USH2A: variants seen among roughly 807,000 people sequenced by gnomAD.
USH2A encodes the protein Usher syndrome 2A (autosomal recessive, mild).
USH2A carries 443 observed loss-of-function variants against 538.9 expected under a neutral mutation model. The ratio of observed to expected loss-of-function variants is 0.82; its 90% CI spans 0.76 to 0.89. The LOEUF is 0.89. Ranked by LOEUF, USH2A falls within the 40% of genes least tolerant of loss-of-function variation. USH2A has a pLI of 0.00. For missense variants in USH2A, 6,633 were observed against 6,324.8 expected (o/e 1.05, Z -1.65); for synonymous variants, 2,413 against 2,273.5 (o/e 1.06, Z -1.75).
chr1:215,744,739 G>T (rs1393442685), intron 58 of USH2A, among the ~76,000 whole-genome samples: 1 of 152,214 alleles, frequency 6.6e-6, no homozygotes, highest in Non-Finnish European at 1.5e-5. Context: ...AGATGAAAAA[G>T]AGGTGTCTGA....
intron 21 of USH2A, among the ~76,000 whole-genome samples, chr1:216,118,814 T>C (rs1410719742): frequency 6.6e-6 from 1 of 152,188 alleles, no homozygotes; most frequent in Non-Finnish European, 1.5e-5. Flanking sequence ...CAGCCACCCA[T>C]TAAAGACCTC....
chr1:215,691,104 G>A (rs1199299363), intron 61 of USH2A, among the ~76,000 whole-genome samples: 4 of 152,050 alleles, frequency 2.6e-5, no homozygotes, highest in African/African-American at 4.8e-5. Flanking sequence ...GGCTGGTCTC[G>A]AACTCCTGAC....
rs144453182 is a variant in USH2A at position 215,879,720 on chromosome 1, T to C, written c.8224-622A>G. Among the ~76,000 whole-genome samples, 8 of 152,328 alleles carry C rather than the reference T, an allele frequency of 5.3e-5. No individual in the cohort carries two copies. In the East Asian group the frequency reaches 1.5e-3, roughly 29 times the overall value. ...AAGGGAAGCCAAAGATGTTTGTGCT[T>C]AGCTAACATGTGGACTTGAGCATCA... On this transcript the variant is annotated intron_variant, in intron 41 of 71. Coordinates refer to ENST00000307340, the MANE Select transcript of USH2A (RefSeq NM_206933.4).
intron 26 of USH2A, among the ~76,000 whole-genome samples, chr1:216,080,530 G>A (rs548834678): frequency 6.6e-6 from 1 of 152,114 alleles, no homozygotes; most frequent in African/African-American, 2.4e-5. Flanking sequence ...GGACTGAAGT[G>A]AGATGAAAAA....
At position 215,647,509 on chromosome 1, in the gene USH2A, C is replaced by G; in HGVS notation, c.14791+13G>C. 1 of 1,613,456 alleles carries G rather than the reference C, an allele frequency of 6.2e-7. No individual in the cohort carries two copies. Among genetic ancestry groups the G allele is most frequent in the Non-Finnish European group, 8.5e-7 (1 of 1,179,904 alleles). On this transcript the variant is annotated intron_variant, in intron 67 of 71. Transcript: ENST00000307340. ...AATCTCTCTGGCTTATGGTAGCAGC[C>G]ACTTATACTCACATTCTTTTTGGGT...
chr1:216,394,736 T>TTTTTTTTTTTTTG (rs61480291), intron 3 of USH2A, among the ~76,000 whole-genome samples: 1 of 146,312 alleles, frequency 6.8e-6, no homozygotes, highest in African/African-American at 2.5e-5. Flanking sequence ...TTTTTTTTTT[T>TTTTTTTTTTTTTG]GAGACAGAGT....
At chr1:216,132,173 T>C (rs927751867) in intron 21 of USH2A, among the ~76,000 whole-genome samples, 3 of 152,114 alleles carry the variant, frequency 2.0e-5, no homozygotes, top group Non-Finnish European at 2.9e-5. Context: ...AGAAGAGGCA[T>C]TACCTTACTT....
rs185861453 is a variant in USH2A at position 216,090,297 on chromosome 1, T to C, written c.4759-1158A>G. On this transcript the variant is annotated intron_variant, in intron 22 of 71. Coordinates refer to ENST00000307340, the MANE Select transcript of USH2A (RefSeq NM_206933.4). ...AATGTTAATCATACCATCTTTAGTA[T>C]GATTTCTGTTTATCTTTCTCTGAAA... 1.5e-3 allele frequency among the ~76,000 whole-genome samples: 223 copies of C among 152,156 alleles called. 1 individual carries two copies. The highest frequency in any genetic ancestry group is 5.2e-3 in the African/African-American group (218 of 41,552).
chr1:216,286,124 G>A (rs2036878279), intron 11 of USH2A, among the ~76,000 whole-genome samples: 1 of 152,130 alleles, frequency 6.6e-6, no homozygotes, highest in Admixed American at 6.6e-5. Context: ...TGAGATTTGG[G>A]AGGGGCCAAG....
chr1:215,940,632 G>A (rs1005608345), intron 37 of USH2A, among the ~76,000 whole-genome samples: 8 of 151,996 alleles, frequency 5.3e-5, no homozygotes, highest in Admixed American at 2.0e-4. Context: ...ATATGCCTAC[G>A]AAGCTGTCTT....
chr1:216,411,292 C>T (rs1305272450), intron 3 of USH2A, among the ~76,000 whole-genome samples: 1 of 151,962 alleles, frequency 6.6e-6, no homozygotes, highest in Non-Finnish European at 1.5e-5. Context: ...TTCTCTTTGC[C>T]CAGTTGGATC....
chr1:215,772,553 GTGT>G (rs1661321840), intron 55 of USH2A, among the ~76,000 whole-genome samples: 1 of 152,174 alleles, frequency 6.6e-6, no homozygotes, highest in Non-Finnish European at 1.5e-5. Context: ...AAGAGTAAAT[GTGT>G]GCTAAAAGGG....
chr1:216,044,527 T>A (rs182423769), intron 32 of USH2A, among the ~76,000 whole-genome samples: 33 of 152,314 alleles, frequency 2.2e-4, no homozygotes, highest in Admixed American at 1.5e-3. Flanking sequence ...AAGATTAACC[T>A]ATTCAGTTTT....
chr1:216,253,889 T>C (rs1453212700), intron 11 of USH2A, among the ~76,000 whole-genome samples: 2 of 152,214 alleles, frequency 1.3e-5, no homozygotes, highest in Non-Finnish European at 2.9e-5. Context: ...ACCTACCATC[T>C]TGCACTCCAA....
rs1234273599 is a variant in USH2A, at chr1:215,674,628, C to T, written c.13283G>A (p.Gly4428Asp). The T allele has an allele frequency of 1.2e-6, 2 of 1,614,138 alleles. No individual in the cohort carries two copies. The highest frequency in any genetic ancestry group is 1.7e-6 in the Non-Finnish European group (2 of 1,180,024). The change falls in exon 63 of 72, where the codon GGT (glycine) becomes GAT (aspartate). Residue 4428 changes from glycine to aspartate, a missense_variant. By Grantham distance (94) the Gly-to-Asp change is moderately conservative. Transcript: ENST00000307340. ...NFSLVACTNGGCTASVSKSAW... is the reference protein window; with the variant it reads ...NFSLVACTNGDCTASVSKSAW... ...AGATTTTGACACACTAGCTGTGCAA[C>T]CTCCATTCGTGCAGGCTACAAGGGA... is the stretch of plus-strand genomic sequence containing the variant.
chr1:216,106,988 T>G (rs1481906802), intron 21 of USH2A, among the ~76,000 whole-genome samples: 1 of 151,868 alleles, frequency 6.6e-6, no homozygotes. Flanking sequence ...ATATTCTGAC[T>G]TCAACTTTTT....
At chr1:216,207,562 A>G in intron 15 of USH2A, 131 bp from the exon 16 acceptor site, 1 of 1,149,892 alleles carries the variant, frequency 8.7e-7, no homozygotes, top group East Asian at 2.5e-5. Flanking sequence ...GTGGTTTACC[A>G]AGACATTAAT....
chr1:216,070,787 A>C (rs563082830), intron 29 of USH2A, among the ~76,000 whole-genome samples: 2 of 148,378 alleles, frequency 1.3e-5, no homozygotes, highest in East Asian at 4.0e-4. Context: ...TTGTTTTTCT[A>C]ATTAATTTTT....
At chr1:215,883,037 G>A (rs562723114) in intron 41 of USH2A, among the ~76,000 whole-genome samples, 17 of 152,174 alleles carry the variant, frequency 1.1e-4, no homozygotes, top group Middle Eastern at 3.4e-3. Flanking sequence ...GAAATTATCC[G>A]TGATCTGTGC....
Sources: gnomAD v4.1 joint callset for allele counts (sites outside exome capture counted in the v4.1 genomes callset) on GRCh38, gnomAD v4.1.1 for gene constraint, MANE v1.5 for transcripts, NCBI Gene and HGNC (gene_info 2026-07-23, HGNC 2026-07-21) for gene names.